The following NIBAN2 variants were observed in gnomAD, a reference collection of about 807,000 sequenced individuals.
The protein encoded by NIBAN2 is niban apoptosis regulator 2, also known as protein Niban 2.
In NIBAN2, 36 loss-of-function variants were observed where a neutral mutation model predicts 81.8. That is an observed-to-expected ratio of 0.44 (90% CI 0.34 to 0.58). The LOEUF is 0.58. NIBAN2 is among the 20% of genes least tolerant of loss of function. NIBAN2 has a pLI of 0.02. For synonymous variants in NIBAN2, 445 were observed against 441.6 expected (o/e 1.01, Z -0.10); for missense variants, 897 against 1,014.1 (o/e 0.88, Z 1.57).
chr9:127,543,797 C>T (rs963515780), intron 1 of NIBAN2, among the ~76,000 whole-genome samples: 1 of 152,220 alleles, frequency 6.6e-6, no homozygotes, highest in Non-Finnish European at 1.5e-5. Context: ...ATCCTCTCCT[C>T]CATCACACTG....
At position 127,507,081 on chromosome 9, in the gene NIBAN2, C is replaced by G; in HGVS notation, c.2005G>C (p.Ala669Pro). The G allele has an allele frequency of 6.3e-7, 1 of 1,576,746 alleles. No individual in the cohort carries two copies. Among genetic ancestry groups the G allele is most frequent in the Non-Finnish European group, 8.6e-7 (1 of 1,161,472 alleles). The change falls in exon 14 of 14, where the codon GCC becomes CCC. Residue 669 changes from alanine (A) to proline (P), a missense_variant. By Grantham distance (27) the Ala-to-Pro change is conservative. Transcript: ENST00000373312. This position sits in a 1 kb window ranked among gnomAD's most constrained non-coding sequence, Gnocchi z 6.8. ...GGGGCCCCGTTGAGCAGGGGGCCGGCTGGTGGGGGGCTCTCAGGCCGCAGA... is the reference window on the plus strand; with the variant it reads ...GGGGCCCCGTTGAGCAGGGGGCCGGGTGGTGGGGGGCTCTCAGGCCGCAGA... ...QGLRPESPPP[A>P]GPLLNGAPAG...
chr9:127,524,111 G>T (rs1424449629), intron 4 of NIBAN2, among the ~76,000 whole-genome samples: 1 of 152,284 alleles, frequency 6.6e-6, no homozygotes, highest in East Asian at 1.9e-4. Flanking sequence ...CCACTCTTGG[G>T]TTAGGTTTTA....
rs1441547016 is a variant in NIBAN2 at position 127,508,138 on chromosome 9, G to A, written c.1497C>T (p.Ile499=). The A allele has an allele frequency of 2.5e-6, 4 of 1,613,622 alleles. No homozygotes were observed. The East Asian group carries it at 8.9e-5, about 36-fold the overall frequency. The part of the protein sequence containing the change: ...KRFFREALLQ[I]SIPFLLKKLA... ...GCTTCTTGAGCAGGAACGGGATGCTGATCTGCAGCAGCGCCTCCCGGAAGA... is the reference window on the plus strand; with the variant it reads ...GCTTCTTGAGCAGGAACGGGATGCTAATCTGCAGCAGCGCCTCCCGGAAGA... The change falls in exon 12 of 14, where the codon ATC becomes ATT. Residue 499 remains isoleucine, a synonymous_variant. Coordinates refer to ENST00000373312, the MANE Select transcript of NIBAN2 (RefSeq NM_022833.4). This position sits in a 1 kb window ranked among gnomAD's most constrained non-coding sequence, Gnocchi z 6.4.
At position 127,517,960 on chromosome 9, in the gene NIBAN2, G is replaced by A. The variant is rs775637812; in HGVS notation, c.590-19C>T. 3 of 1,544,900 alleles carry A rather than the reference G, an allele frequency of 1.9e-6. No homozygotes were observed. The highest frequency in any genetic ancestry group is 2.4e-5 in the South Asian group (2 of 82,890). ...GGGATTCCTGCCCAGGAGACGGAGG[G>A]AGAGAGGAGGTCAGCAGATGGCCCA... is the stretch of plus-strand genomic sequence containing the variant. On this transcript the variant is annotated intron_variant, in intron 5 of 13. Coordinates refer to ENST00000373312, the MANE Select transcript of NIBAN2 (RefSeq NM_022833.4). This position sits in a 1 kb window ranked among gnomAD's most constrained non-coding sequence, Gnocchi z 4.0.
At position 127,508,951 on chromosome 9, in the gene NIBAN2, G is replaced by A; in HGVS notation, c.1317+25C>T. The A allele has an allele frequency of 2.5e-6, 4 of 1,612,908 alleles. No individual in the cohort carries two copies. The highest frequency in any genetic ancestry group is 3.4e-6 in the Non-Finnish European group (4 of 1,179,758). On this transcript the variant is annotated intron_variant, in intron 10 of 13. Transcript: ENST00000373312. This position sits in a 1 kb window ranked among gnomAD's most constrained non-coding sequence, Gnocchi z 6.4. ...TGGAAGGCAGTGGACAGGGTGTGGG[G>A]TGGGGGTCGTAGCCTCGGGTCTACC...
chr9:127,564,699 C>A (rs1043617330), intron 1 of NIBAN2, among the ~76,000 whole-genome samples: 2 of 151,812 alleles, frequency 1.3e-5, no homozygotes, highest in Non-Finnish European at 2.9e-5. Context: ...ATGGTGAAAC[C>A]CTGTCTCTAC....
chr9:127,527,414 C>T (rs1256341762), intron 2 of NIBAN2, 92 bp from the exon 3 acceptor site: 23 of 1,253,366 alleles, frequency 1.8e-5, no homozygotes, highest in African/African-American at 4.4e-5. Flanking sequence ...AGCCTGTGTG[C>T]GCACCCCCTG....
At chr9:127,569,416 G>A (rs1837919604), upstream of NIBAN2, among the ~76,000 whole-genome samples, 1 of 151,898 alleles carries the variant, frequency 6.6e-6, no homozygotes, top group African/African-American at 2.4e-5. Context: ...CCTAAGCAGA[G>A]AAAGAGACGG....
chr9:127,564,815 G>A (rs1316061419), intron 1 of NIBAN2, among the ~76,000 whole-genome samples: 1 of 151,314 alleles, frequency 6.6e-6, no homozygotes, highest in Non-Finnish European at 1.5e-5. Context: ...GGAGGTTGTA[G>A]TGAGCTGAGA....
At chr9:127,527,823 G>T (rs1295283863) in intron 2 of NIBAN2, among the ~76,000 whole-genome samples, 2 of 152,216 alleles carry the variant, frequency 1.3e-5, no homozygotes, top group Non-Finnish European at 2.9e-5. Context: ...TCCCCTCAGG[G>T]CAATGATAAC....
upstream of NIBAN2, among the ~76,000 whole-genome samples, chr9:127,570,574 G>A (rs773362604): frequency 6.6e-6 from 1 of 152,240 alleles, no homozygotes; most frequent in Non-Finnish European, 1.5e-5. Flanking sequence ...AACAGAACGT[G>A]TCATTCTATT....
chr9:127,569,229 C>G (rs1219664873), upstream of NIBAN2: 18 of 385,864 alleles, frequency 4.7e-5, no homozygotes, highest in Non-Finnish European at 6.3e-5. Flanking sequence ...TCCTGCACCC[C>G]CCTGCGCCCC....
intron 3 of NIBAN2, among the ~76,000 whole-genome samples, chr9:127,526,172 T>C (rs1588162824): frequency 6.6e-6 from 1 of 151,350 alleles, no homozygotes; most frequent in Admixed American, 6.6e-5. Context: ...GAGGCCGAGG[T>C]GGGCAGATCA....
chr9:127,521,681 C>G (rs902994384), intron 5 of NIBAN2, among the ~76,000 whole-genome samples: 1 of 152,150 alleles, frequency 6.6e-6, no homozygotes, highest in Admixed American at 6.5e-5. Context: ...CTGAAACCAG[C>G]CTCGTCAGCT....
intron 1 of NIBAN2, among the ~76,000 whole-genome samples, chr9:127,535,686 T>C (rs7039971): frequency 0.14 from 21,194 of 152,054 alleles, 1,775 homozygotes; most frequent in Admixed American, 0.28. Context: ...CAGGTGGGGC[T>C]GGAGTCGCTC....
rs754633835 is a variant in NIBAN2, at chr9:127,527,286, G to A, written c.223C>T (p.Leu75Phe). The part of the protein sequence containing the change: ...LDERIVFSGN[L>F]FQHQEDSKKW... ...TTGCTGTCCTCCTGGTGCTGGAAGA[G>A]GTTCCCCGAGAAGACGATGCGCTCG... Residue 75 changes from leucine (L) to phenylalanine (F), a missense_variant, in exon 3 of 14, where the codon CTC (leucine) becomes TTC (phenylalanine). By Grantham distance (22) the Leu-to-Phe change is conservative (BLOSUM62 0). Coordinates refer to ENST00000373312, the MANE Select transcript of NIBAN2 (RefSeq NM_022833.4). 3 of 1,613,890 alleles carry A rather than the reference G, an allele frequency of 1.9e-6. No individual in the cohort carries two copies.
intron 5 of NIBAN2, among the ~76,000 whole-genome samples, chr9:127,520,637 C>T (rs1055413489): frequency 2.6e-5 from 4 of 152,064 alleles, no homozygotes; most frequent in Non-Finnish European, 4.4e-5. Flanking sequence ...ACATTTTGGC[C>T]GGGCACAGTG....
At chr9:127,538,149 G>A (rs1837312525) in intron 1 of NIBAN2, among the ~76,000 whole-genome samples, 2 of 152,124 alleles carry the variant, frequency 1.3e-5, no homozygotes, top group Non-Finnish European at 2.9e-5. Flanking sequence ...TTGAATAAGG[G>A]GGTGCTCTGT....
intron 9 of NIBAN2, 100 bp downstream of exon 9, chr9:127,510,046 T>G: frequency 8.5e-7 from 1 of 1,182,846 alleles, no homozygotes; most frequent in Middle Eastern, 2.1e-4. Flanking sequence ...GGGACGGCCT[T>G]GGAGGGGAAC....
Sources: allele counts gnomAD v4.1 joint callset (sites outside exome capture counted in the v4.1 genomes callset), GRCh38; gene constraint gnomAD v4.1.1; non-coding constraint Gnocchi (gnomAD v3.1); transcripts MANE v1.5; gene names NCBI Gene and HGNC (gene_info 2026-07-23, HGNC 2026-07-21).